RORA: variants seen among roughly 807,000 people sequenced by gnomAD.
RORA encodes the protein nuclear receptor ROR-alpha.
A neutral mutation model predicts 69.5 loss-of-function variants in RORA; 7 were observed. The ratio of observed to expected loss-of-function variants is 0.10; its 90% confidence interval spans 0.06 to 0.19. The LOEUF is 0.19. Among genes scored for constraint, RORA ranks in the 10% least tolerant of loss-of-function variants. The pLI is 1.00. For missense variants in RORA, 457 were observed against 663.0 expected (o/e 0.69, Z 3.41); for synonymous variants, 261 against 240.8 (o/e 1.08, Z -0.78).
chr15:61,221,352 A>C (rs867789066), intron 1 of RORA, among the ~76,000 whole-genome samples: 60 of 152,234 alleles, frequency 3.9e-4, no homozygotes, highest in African/African-American at 1.4e-3. Flanking sequence ...TTCATAGTAG[A>C]TTCAAACGAT....
chr15:61,105,375 A>G (rs937506912), intron 1 of RORA, among the ~76,000 whole-genome samples: 2 of 152,238 alleles, frequency 1.3e-5, no homozygotes, highest in Non-Finnish European at 2.9e-5. Context: ...TTTAATTATT[A>G]GATTAATTAA....
intron 1 of RORA, 38 bp downstream of exon 1, chr15:61,229,015 C>G: frequency 1.6e-6 from 2 of 1,240,326 alleles, no homozygotes; most frequent in South Asian, 2.4e-5. Flanking sequence ...CGCCCGGGCT[C>G]CCGCCGCCCC....
Position 60,511,715 on chromosome 15 carries a change from A to C in RORA, c.425-94T>G. ...TGGGGTTTCCTTTGAAGTCTCACACAATCTCAATCCAAAACTGCATGACCA... is the reference window on the plus strand; with the variant it reads ...TGGGGTTTCCTTTGAAGTCTCACACCATCTCAATCCAAAACTGCATGACCA... On this transcript the variant is annotated intron_variant, in intron 4 of 10. Coordinates refer to ENST00000335670, the MANE Select transcript of RORA (RefSeq NM_134261.3). The surrounding 1 kb of genome is among the most constrained non-coding windows in gnomAD (Gnocchi z 6.4). 7.5e-7 allele frequency: 1 copy of C among 1,340,988 alleles called. No homozygotes were observed. The allele number at this position is 1,340,988 out of a possible 1,614,324, so 83.1% of individuals were successfully genotyped here.
chr15:61,118,402 A>G (rs1157818280), intron 1 of RORA, among the ~76,000 whole-genome samples: 1 of 152,258 alleles, frequency 6.6e-6, no homozygotes, highest in African/African-American at 2.4e-5. Context: ...AAGCTACAGC[A>G]TAATGAGTGA....
chr15:60,501,802 T>G (rs1428261751), intron 8 of RORA, among the ~76,000 whole-genome samples: 8 of 152,200 alleles, frequency 5.3e-5, no homozygotes, highest in African/African-American at 1.4e-4. Flanking sequence ...TTGGTGTCTA[T>G]TCCTTCAGAT....
At chr15:60,982,997 C>G (rs946878604) in intron 1 of RORA, among the ~76,000 whole-genome samples, 2 of 152,080 alleles carry the variant, frequency 1.3e-5, no homozygotes, top group African/African-American at 4.8e-5. Context: ...CTTTATAGAC[C>G]TTGAAGAAGA....
chr15:60,567,416 A>AT (rs199954074), intron 2 of RORA, among the ~76,000 whole-genome samples: 5,152 of 142,754 alleles, frequency 0.036, 137 homozygotes, highest in East Asian at 0.14. Context: ...TATTATTATT[A>AT]TTTTTTTTTT....
At chr15:60,824,984 G>T (rs1355886098) in intron 1 of RORA, among the ~76,000 whole-genome samples, 2 of 152,202 alleles carry the variant, frequency 1.3e-5, no homozygotes, top group East Asian at 3.8e-4. Flanking sequence ...GCTAACGTAG[G>T]ACTGTATGGC....
At chr15:61,121,668 A>C (rs906361473) in intron 1 of RORA, among the ~76,000 whole-genome samples, 1 of 152,142 alleles carries the variant, frequency 6.6e-6, no homozygotes, top group African/African-American at 2.4e-5. Context: ...CCTGCAATCC[A>C]GACTTCCAAA....
chr15:61,025,695 A>G (rs1895773969), intron 1 of RORA, among the ~76,000 whole-genome samples: 1 of 152,358 alleles, frequency 6.6e-6, no homozygotes, highest in East Asian at 1.9e-4. Context: ...AATCTGGTCC[A>G]GTGTAAATCA....
At chr15:61,110,180 C>T (rs571147972) in intron 1 of RORA, among the ~76,000 whole-genome samples, 9 of 152,242 alleles carry the variant, frequency 5.9e-5, no homozygotes, top group East Asian at 3.9e-4. Context: ...GGGCGGATCA[C>T]GAGGTCAAGA....
At chr15:61,082,428 G>A (rs1016988093) in intron 1 of RORA, among the ~76,000 whole-genome samples, 17 of 152,206 alleles carry the variant, frequency 1.1e-4, no homozygotes, top group Non-Finnish European at 2.4e-4. Context: ...GTTGGAGATT[G>A]CAGTGAGCTG....
chr15:61,193,091 C>T (rs1381572728), intron 1 of RORA, among the ~76,000 whole-genome samples: 4 of 151,602 alleles, frequency 2.6e-5, no homozygotes, highest in Admixed American at 1.3e-4. Flanking sequence ...CTTTCAAACT[C>T]CCAATAGGAA....
chr15:60,696,137 T>C (rs1369187955), intron 1 of RORA, among the ~76,000 whole-genome samples: 4 of 152,252 alleles, frequency 2.6e-5, no homozygotes, highest in Admixed American at 1.3e-4. Context: ...AACTTTTCTA[T>C]GAGCACTTTC....
At chr15:60,733,106 A>T (rs1217162941) in intron 1 of RORA, among the ~76,000 whole-genome samples, 1 of 152,184 alleles carries the variant, frequency 6.6e-6, no homozygotes, top group Non-Finnish European at 1.5e-5. Flanking sequence ...CAGAACTTTC[A>T]TAAGTTGGAG....
intron 2 of RORA, among the ~76,000 whole-genome samples, chr15:60,541,733 C>A (rs1459080168): frequency 6.6e-6 from 1 of 152,028 alleles, no homozygotes; most frequent in Non-Finnish European, 1.5e-5. Context: ...AATGCACACA[C>A]TATAACACCT....
Position 60,921,505 on chromosome 15 carries a change from C to G in RORA, c.167-242819G>C, listed in dbSNP as rs570828312. ...TCATCTAAGGTGCTAGAAGTCAAGACAGTGGTTACCTCTGAGGAAGGGTAG... is the reference window on the plus strand; with the variant it reads ...TCATCTAAGGTGCTAGAAGTCAAGAGAGTGGTTACCTCTGAGGAAGGGTAG... On this transcript the variant is annotated intron_variant, in intron 1 of 10. Transcript: ENST00000335670. Among the ~76,000 whole-genome samples, 16 of 152,314 alleles carry G rather than the reference C, an allele frequency of 1.1e-4. 1 individual carries two copies. Among genetic ancestry groups the G allele is most frequent in the African/African-American group, 3.8e-4 (16 of 41,560 alleles).
intron 1 of RORA, among the ~76,000 whole-genome samples, chr15:61,090,793 C>A (rs56003082): frequency 0.023 from 3,542 of 152,278 alleles, 179 homozygotes; most frequent in Admixed American, 0.12. Context: ...CCATGTCACA[C>A]AGCCACACTC....
intron 1 of RORA, among the ~76,000 whole-genome samples, chr15:60,783,632 G>A (rs1447614500): frequency 6.6e-6 from 1 of 152,218 alleles, no homozygotes; most frequent in Admixed American, 6.5e-5. Context: ...TCTGGTCTAA[G>A]TCAGGTCCTT....
Sources: allele counts gnomAD v4.1 joint callset (sites outside exome capture counted in the v4.1 genomes callset), GRCh38; gene constraint gnomAD v4.1.1; non-coding constraint Gnocchi (gnomAD v3.1); transcripts MANE v1.5; gene names NCBI Gene and HGNC (gene_info 2026-07-23, HGNC 2026-07-21).